The following FANCL variants were observed in gnomAD, a reference collection of about 807,000 sequenced individuals.
FANCL encodes the protein E3 ubiquitin-protein ligase FANCL.
In FANCL, 69 loss-of-function variants were observed where a neutral mutation model predicts 59.4. That is an observed-to-expected ratio of 1.16 (90% CI 0.96 to 1.42). The LOEUF (loss-of-function observed/expected upper bound fraction) is 1.42, where lower values mean the gene tolerates loss of function less well. Among genes scored for constraint, FANCL ranks in the 40% most tolerant of loss-of-function variants. FANCL has a pLI of 0.00. For synonymous variants in FANCL, 180 were observed against 147.1 expected, an observed-to-expected ratio of 1.22 and a Z score of -1.62; for missense variants, 519 against 447.2, an observed-to-expected ratio of 1.16 and a Z score of -1.45.
intron 7 of FANCL, among the ~76,000 whole-genome samples, chr2:58,194,870 T>C (rs569120692): frequency 6.6e-6 from 1 of 150,892 alleles, no homozygotes; most frequent in African/African-American, 2.4e-5. Context: ...ACAGGGACCA[T>C]AAGGAAAATT....
At chr2:58,171,604 G>A (rs1412923167) in intron 7 of FANCL, among the ~76,000 whole-genome samples, 1 of 152,110 alleles carries the variant, frequency 6.6e-6, no homozygotes, top group African/African-American at 2.4e-5. Flanking sequence ...TTTGAAAAGA[G>A]TAACAAAATA....
At chr2:58,176,571 A>G (rs1020712809) in intron 7 of FANCL, among the ~76,000 whole-genome samples, 71 of 152,364 alleles carry the variant, frequency 4.7e-4, no homozygotes, top group African/African-American at 1.3e-3. Flanking sequence ...AAAACTGGCT[A>G]GCTATATGTA....
chr2:58,238,619 C>T (rs111863996), intron 1 of FANCL, among the ~76,000 whole-genome samples: 20 of 152,268 alleles, frequency 1.3e-4, no homozygotes, highest in African/African-American at 4.8e-4. Context: ...ATAGAGACAA[C>T]ACCTAAAACT....
chr2:58,170,694 CAAA>C (rs145444832), intron 7 of FANCL, among the ~76,000 whole-genome samples: 2 of 97,898 alleles, frequency 2.0e-5, no homozygotes, highest in Non-Finnish European at 2.3e-5. Context: ...AAATGGAAAG[CAAA>C]AAAAAAAAAA....
chr2:58,168,933 A>G (rs1178895987), intron 7 of FANCL, among the ~76,000 whole-genome samples: 1 of 152,194 alleles, frequency 6.6e-6, no homozygotes, highest in Admixed American at 6.5e-5. Flanking sequence ...CTCTGAAAGA[A>G]CAGCAGCAGC....
intron 12 of FANCL, 37 bp downstream of exon 12, chr2:58,161,485 A>G: frequency 8.1e-7 from 1 of 1,231,650 alleles, no homozygotes. Flanking sequence ...ATGTTGTGTT[A>G]GCGGAAAAAA....
chr2:58,189,909 T>TAA (rs543051606), intron 7 of FANCL, among the ~76,000 whole-genome samples: 41 of 152,208 alleles, frequency 2.7e-4, no homozygotes, highest in African/African-American at 9.6e-4. Flanking sequence ...TACTTGCAGA[T>TAA]AAATCCCCTA....
chr2:58,219,164 AAAAAAAAATATATATATATAT>A (rs1692183245), intron 5 of FANCL, among the ~76,000 whole-genome samples: 3 of 90,344 alleles, frequency 3.3e-5, no homozygotes, highest in African/African-American at 2.3e-4. Context: ...AAAAAAAAAA[AAAAAAAAATATATATATATAT>A]ATATATATAT....
At chr2:58,231,215 G>A (rs950190062) in intron 2 of FANCL, among the ~76,000 whole-genome samples, 7 of 151,974 alleles carry the variant, frequency 4.6e-5, no homozygotes, top group Admixed American at 1.3e-4. Flanking sequence ...CTTCTACCCC[G>A]CTAGACACAG....
At chr2:58,167,039 T>G (rs1022377146) in intron 7 of FANCL, among the ~76,000 whole-genome samples, 3 of 152,156 alleles carry the variant, frequency 2.0e-5, no homozygotes, top group African/African-American at 4.8e-5. Flanking sequence ...AGGTGAAACC[T>G]TGTCTCTTCT....
intron 7 of FANCL, among the ~76,000 whole-genome samples, chr2:58,170,913 C>T (rs144246902): frequency 1.3e-5 from 2 of 152,124 alleles, no homozygotes; most frequent in Non-Finnish European, 2.9e-5. Flanking sequence ...AAGACTCCCA[C>T]ACAATAATAG....
chr2:58,235,980 T>C (rs939753399), intron 1 of FANCL, among the ~76,000 whole-genome samples: 9 of 149,014 alleles, frequency 6.0e-5, no homozygotes, highest in African/African-American at 2.2e-4. Flanking sequence ...CATGAGTGAG[T>C]TGTGACAACT....
At chr2:58,163,588 G>A (rs1422632588) in intron 8 of FANCL, 71 bp from the exon 9 acceptor site, 38 of 966,428 alleles carry the variant, frequency 3.9e-5, no homozygotes, top group South Asian at 1.1e-4. Context: ...AAAATAAAGA[G>A]GTGTTGGTCT....
intron 4 of FANCL, among the ~76,000 whole-genome samples, chr2:58,226,423 C>T (rs1454020740): frequency 1.3e-5 from 2 of 152,134 alleles, no homozygotes; most frequent in East Asian, 3.8e-4. Flanking sequence ...TACCTAATCT[C>T]TTCTTAGATG....
At chr2:58,210,157 A>G (rs911200591) in intron 5 of FANCL, among the ~76,000 whole-genome samples, 2 of 152,192 alleles carry the variant, frequency 1.3e-5, no homozygotes, top group African/African-American at 4.8e-5. Context: ...TGTATCTTAT[A>G]AAGTGTATTA....
intron 7 of FANCL, among the ~76,000 whole-genome samples, chr2:58,166,690 C>T (rs1418527464): frequency 1.3e-5 from 2 of 152,190 alleles, no homozygotes; most frequent in Non-Finnish European, 2.9e-5. Context: ...TGTAAAGTCA[C>T]ATACTACAAA....
chr2:58,220,675 T>C (rs1467200585), intron 5 of FANCL, among the ~76,000 whole-genome samples: 2 of 152,324 alleles, frequency 1.3e-5, no homozygotes, highest in Non-Finnish European at 2.9e-5. Context: ...CTTGTTCTCT[T>C]TTAAATGGCG....
At chr2:58,232,162 T>G in intron 1 of FANCL, 50 bp from the exon 2 acceptor site, 1 of 1,425,934 alleles carries the variant, frequency 7.0e-7, no homozygotes, top group South Asian at 1.2e-5. Context: ...TTTCACTTAA[T>G]GCTGAGAAGT....
chr2:58,233,688 G>T (rs1039607101), intron 1 of FANCL, among the ~76,000 whole-genome samples: 1 of 151,856 alleles, frequency 6.6e-6, no homozygotes, highest in Non-Finnish European at 1.5e-5. Context: ...GTGCTAGGAA[G>T]GTCAGGAAAA....
Sources: allele counts gnomAD v4.1 joint callset (sites outside exome capture counted in the v4.1 genomes callset), GRCh38; gene constraint gnomAD v4.1.1; transcripts MANE v1.5; gene names NCBI Gene and HGNC (gene_info 2026-07-23, HGNC 2026-07-21).